The following CARS1 variants were observed in gnomAD, a reference collection of about 807,000 sequenced individuals.
CARS1 encodes cysteinyl-tRNA synthetase 1.
Under a neutral mutation model 106.2 loss-of-function variants are expected in CARS1, and 48 were observed. The ratio of observed to expected loss-of-function variants is 0.45; its 90% confidence interval spans 0.36 to 0.57. The LOEUF (loss-of-function observed/expected upper bound fraction) is 0.57. CARS1 is among the 20% of genes least tolerant of loss of function. The pLI, the probability that CARS1 is intolerant of heterozygous loss-of-function variation, is 0.00. For missense variants in CARS1, 968 were observed against 1,057.2 expected (o/e 0.92, Z 1.17); for synonymous variants, 409 against 403.4 (o/e 1.01, Z -0.17).
In CARS1 at chr11:3,008,007, G is replaced by A. The variant is rs184131454; in HGVS notation, c.2069-1048C>T. On this transcript the variant is annotated intron_variant, in intron 18 of 22. Transcript: ENST00000380525. This position sits in a 1 kb window ranked among gnomAD's most constrained non-coding sequence, Gnocchi z 5.1. ...TCTCCTAGACTACATCAACAGGACAGATGCTTGCTGCTCTCCAAGTGACAA... is the reference window on the plus strand; with the variant it reads ...TCTCCTAGACTACATCAACAGGACAAATGCTTGCTGCTCTCCAAGTGACAA... 2.0e-4 allele frequency: 30 copies of A among 152,386 alleles called. No individual in the cohort carries two copies. The highest frequency in any genetic ancestry group is 6.0e-4 in the African/African-American group (25 of 41,580). 9.4% of individuals were successfully genotyped at this position (152,386 alleles called of 1,614,324 possible).
rs1041713543 is a variant in CARS1, at chr11:3,022,967, C to T, written c.1154-2635G>A. Among the ~76,000 whole-genome samples, 5 of 152,178 alleles carry T rather than the reference C, an allele frequency of 3.3e-5. No individual in the cohort carries two copies. Among genetic ancestry groups the T allele is most frequent in the Non-Finnish European group, 7.3e-5 (5 of 68,040 alleles). ...GGTTGCGGGGGTGGTCATGTGCCCACGTCTGATCACTGACTGTGGAGGGGT... is the reference window on the plus strand; with the variant it reads ...GGTTGCGGGGGTGGTCATGTGCCCATGTCTGATCACTGACTGTGGAGGGGT... On this transcript the variant is annotated intron_variant, in intron 10 of 22. Coordinates refer to ENST00000380525, the MANE Select transcript of CARS1 (RefSeq NM_001014437.3). This position sits in a 1 kb window ranked among gnomAD's most constrained non-coding sequence, Gnocchi z 4.9.
chr11:3,055,165 A>AT (rs369101566), intron 1 of CARS1: 35,674 of 447,664 alleles, frequency 0.08, 31 homozygotes, highest in South Asian at 0.11. Context: ...TTACGATTGG[A>AT]TTTTTTTTTT....
chr11:3,035,373 T>A (rs1231771865), intron 7 of CARS1, among the ~76,000 whole-genome samples: 2 of 152,158 alleles, frequency 1.3e-5, no homozygotes, highest in Non-Finnish European at 2.9e-5. Context: ...AATCAGCACT[T>A]CACATTCATT....
In CARS1 at chr11:3,029,477, CCA is replaced by C; in HGVS notation, c.802-36_802-35del. On this transcript the variant is annotated intron_variant, in intron 7 of 22. Coordinates refer to ENST00000380525, the MANE Select transcript of CARS1 (RefSeq NM_001014437.3). The surrounding 1 kb of genome is among the most constrained non-coding windows in gnomAD (Gnocchi z 5.9). ...AAAGAAACAAAAATCCAGCAGCGGG[CCA>C]CACACTTCACATGAGAACATCTCGT... 1.9e-6 allele frequency: 3 copies of C among 1,608,248 alleles called. No individual in the cohort carries two copies. Among genetic ancestry groups the C allele is most frequent in the Non-Finnish European group, 2.5e-6 (3 of 1,178,490 alleles).
chr11:3,028,937 C>G lies in CARS1; in HGVS notation c.1031+59G>C. The stretch of plus-strand genomic sequence containing the variant: ...CAAACTCAGGCTCAGAGCTGGGGAG[C>G]TCCTCCCTGTGCGATGTTCTGCAGC... On this transcript the variant is annotated intron_variant, in intron 9 of 22. Transcript: ENST00000380525. The surrounding 1 kb of genome is among the most constrained non-coding windows in gnomAD (Gnocchi z 4.4). 1.7e-6 allele frequency: 2 copies of G among 1,172,846 alleles called. No homozygotes were observed. Among genetic ancestry groups the G allele is most frequent in the South Asian group, 1.2e-5 (1 of 81,598 alleles). The allele number at this position is 1,172,846 out of a possible 1,614,324, so 72.7% of individuals were successfully genotyped here.
At position 3,044,645 on chromosome 11, in the gene CARS1, T is replaced by C. The variant is rs1465211662; in HGVS notation, c.275-2389A>G. On this transcript the variant is annotated intron_variant, in intron 2 of 22. Transcript: ENST00000380525. This position sits in a 1 kb window ranked among gnomAD's most constrained non-coding sequence, Gnocchi z 4.4. ...CTCCTGACCTTGTGATCTGCCTGCC[T>C]TGGCCTCCTAAAGTGCTGGGATTAC... 6.6e-6 allele frequency among the ~76,000 whole-genome samples: 1 copy of C among 152,180 alleles called. No homozygotes were observed. Among genetic ancestry groups the C allele is most frequent in the African/African-American group, 2.4e-5 (1 of 41,436 alleles).
At chr11:3,014,797 C>T (rs766333954) in intron 17 of CARS1, among the ~76,000 whole-genome samples, 2 of 152,230 alleles carry the variant, frequency 1.3e-5, no homozygotes, top group Non-Finnish European at 2.9e-5. Context: ...TCTTACAACA[C>T]GGACTGTTTT....
At chr11:3,009,736 T>A (rs1198012097) in intron 18 of CARS1, among the ~76,000 whole-genome samples, 1 of 152,188 alleles carries the variant, frequency 6.6e-6, no homozygotes, top group African/African-American at 2.4e-5. Flanking sequence ...CATGGGGGTA[T>A]TTCCAGGGGA....
At position 3,004,106 on chromosome 11, in the gene CARS1, G is replaced by A. The variant is rs185872259; in HGVS notation, c.2217+1260C>T. Among the ~76,000 whole-genome samples, 2 of 152,288 alleles carry A rather than the reference G, an allele frequency of 1.3e-5. No individual in the cohort carries two copies. The highest frequency in any genetic ancestry group is 3.9e-4 in the East Asian group (2 of 5,184). ...CCTCACAGCACAGCACGGCAGGCGA[G>A]ACCCAAGGCTAGGTGAGTGACTGTG... On this transcript the variant is annotated intron_variant, in intron 20 of 22. Transcript: ENST00000380525. This position sits in a 1 kb window ranked among gnomAD's most constrained non-coding sequence, Gnocchi z 5.2.
rs1854884940 is a variant in CARS1 at position 3,044,581 on chromosome 11, G to C, written c.275-2325C>G. Among the ~76,000 whole-genome samples, 1 of 152,160 alleles carries C rather than the reference G, an allele frequency of 6.6e-6. No homozygotes were observed. The highest frequency in any genetic ancestry group is 6.5e-5 in the Admixed American group (1 of 15,278). On this transcript the variant is annotated intron_variant, in intron 2 of 22. Coordinates refer to ENST00000380525, the MANE Select transcript of CARS1 (RefSeq NM_001014437.3). The surrounding 1 kb of genome is among the most constrained non-coding windows in gnomAD (Gnocchi z 4.4). The stretch of plus-strand genomic sequence containing the variant: ...CCCACCAATTTTTGTATCTTTAGTA[G>C]GGATGGGGTTTCACCATATTGGCCA...
In CARS1 at chr11:3,054,610, A is replaced by AGGCTGCCCAGGTTGGGAGCCT. The variant is rs1268182691; in HGVS notation, c.25+2712_25+2732dup. Among the ~76,000 whole-genome samples, 98 of 152,346 alleles carry AGGCTGCCCAGGTTGGGAGCCT rather than the reference A, an allele frequency of 6.4e-4. 1 individual carries two copies. The South Asian group carries it at 0.018, about 28-fold the overall frequency. ...CAGCAGTTAAGGTCCCTATTGAGTC[A>AGGCTGCCCAGGTTGGGAGCCT]GGCTGCCCAGGTTGGGAGCCTGGCT... On this transcript the variant is annotated intron_variant, in intron 1 of 22. Transcript: ENST00000380525.
rs1055786636 is a variant in CARS1 at position 3,028,029 on chromosome 11, A to G, written c.1031+967T>C. ...GCGGTCACGCTCCTAGTCCTCCTTC[A>G]TGTTCCATCCTGTACACCTGGCTCT... On this transcript the variant is annotated intron_variant, in intron 9 of 22. Transcript: ENST00000380525. The surrounding 1 kb of genome is among the most constrained non-coding windows in gnomAD (Gnocchi z 4.4). 11 of 339,144 alleles carry G rather than the reference A, an allele frequency of 3.2e-5. No individual in the cohort carries two copies. Among genetic ancestry groups the G allele is most frequent in the Non-Finnish European group, 5.3e-5 (9 of 168,512 alleles). The allele number at this position is 339,144 out of a possible 1,614,324, so 21.0% of individuals were successfully genotyped here. A position where few individuals can be genotyped will look rare whatever the true frequency, so the allele number is the denominator to read the frequency against.
In CARS1 at chr11:3,028,899, C is replaced by T; in HGVS notation, c.1031+97G>A. The T allele has an allele frequency of 1.2e-6, 1 of 843,162 alleles. No individual in the cohort carries two copies. The highest frequency in any genetic ancestry group is 1.9e-5 in the Admixed American group (1 of 52,300). The allele number at this position is 843,162 out of a possible 1,614,324, so 52.2% of individuals were successfully genotyped here. On this transcript the variant is annotated intron_variant, in intron 9 of 22. Coordinates refer to ENST00000380525, the MANE Select transcript of CARS1 (RefSeq NM_001014437.3). This position sits in a 1 kb window ranked among gnomAD's most constrained non-coding sequence, Gnocchi z 4.4. ...TAGCTACGCAGCCCCAGAACACCTG[C>T]TCCTCTGCTTCCCAAACTCAGGCTC...
In CARS1 at chr11:3,043,002, G is replaced by A. The variant is rs552277207; in HGVS notation, c.275-746C>T. 4.6e-5 allele frequency among the ~76,000 whole-genome samples: 7 copies of A among 152,264 alleles called. 1 individual carries two copies. The South Asian group carries it at 1.2e-3, about 27-fold the overall frequency. On this transcript the variant is annotated intron_variant, in intron 2 of 22. Coordinates refer to ENST00000380525, the MANE Select transcript of CARS1 (RefSeq NM_001014437.3). This position sits in a 1 kb window ranked among gnomAD's most constrained non-coding sequence, Gnocchi z 4.0. Reference sequence around the variant, plus strand: ...CCAGCAGACTCTGATCCAGACACTGGGCTTCAAGCTCCACATAGGTCTATA... The same window carrying A: ...CCAGCAGACTCTGATCCAGACACTGAGCTTCAAGCTCCACATAGGTCTATA...
intron 10 of CARS1, among the ~76,000 whole-genome samples, chr11:3,026,426 G>A (rs1852083215): frequency 6.6e-6 from 1 of 152,186 alleles, no homozygotes; most frequent in East Asian, 1.9e-4. Context: ...CGGTGTGCAT[G>A]TATTAAGACA....
chr11:3,020,138 C>A lies in CARS1; in HGVS notation c.1266+82G>T. ...GTGACAACATCCTTCACACACAGAG[C>A]GGCCCTCTGCTGGGGGCCTGAGAGT... On this transcript the variant is annotated intron_variant, in intron 11 of 22. Coordinates refer to ENST00000380525, the MANE Select transcript of CARS1 (RefSeq NM_001014437.3). The surrounding 1 kb of genome is among the most constrained non-coding windows in gnomAD (Gnocchi z 4.6). The A allele has an allele frequency of 1.7e-5, 14 of 838,266 alleles. No homozygotes were observed. The highest frequency in any genetic ancestry group is 1.4e-5 in the South Asian group (1 of 72,388). 51.9% of individuals were successfully genotyped at this position (838,266 alleles called of 1,614,324 possible).
At chr11:3,011,439 GC>G (rs1209673787) in intron 18 of CARS1, among the ~76,000 whole-genome samples, 17 of 25,676 alleles carry the variant, frequency 6.6e-4, no homozygotes, top group African/African-American at 2.6e-3. Context: ...CCCCATCTCT[GC>G]TAAAAAAAAA....
chr11:3,005,960 G>A (rs1266380473), intron 19 of CARS1, among the ~76,000 whole-genome samples: 2 of 152,158 alleles, frequency 1.3e-5, no homozygotes. Flanking sequence ...CCAGGAGTAG[G>A]AAAATAGGAC....
intron 1 of CARS1, among the ~76,000 whole-genome samples, chr11:3,056,557 C>T (rs541417447): frequency 3.9e-5 from 6 of 152,242 alleles, no homozygotes; most frequent in African/African-American, 1.4e-4. Context: ...AATGCTCTGA[C>T]AATCAGCTTG....
Sources: gnomAD v4.1 joint callset for allele counts (sites outside exome capture counted in the v4.1 genomes callset) on GRCh38, gnomAD v4.1.1 for gene constraint, Gnocchi (gnomAD v3.1) non-coding constraint, MANE v1.5 for transcripts, NCBI Gene and HGNC (gene_info 2026-07-23, HGNC 2026-07-21) for gene names.